The following SUPT3H variants were observed in gnomAD, a reference collection of about 807,000 sequenced individuals.
SUPT3H encodes SPT3 homolog, SAGA and STAGA complex component.
SUPT3H carries 44 observed loss-of-function variants against 44.3 expected under a neutral mutation model. The observed-to-expected ratio is 0.99, with a 90% CI of 0.78 to 1.28. The LOEUF (loss-of-function observed/expected upper bound fraction) is 1.28. SUPT3H is among the 50% of genes most tolerant of loss of function. The probability of loss-of-function intolerance (pLI) is 0.00; values close to 1 mark genes in which losing one functional copy is unlikely to be tolerated. For missense variants in SUPT3H, 380 were observed against 387.1 expected (o/e 0.98, Z 0.15); for synonymous variants, 124 against 125.6 (o/e 0.99, Z 0.09).
intron 2 of SUPT3H, among the ~76,000 whole-genome samples, chr6:45,236,427 T>C (rs1051552155): frequency 6.6e-6 from 1 of 152,102 alleles, no homozygotes; most frequent in African/African-American, 2.4e-5. Flanking sequence ...CTTGGAACCT[T>C]TTCACACTGA....
At chr6:45,310,631 GCCA>G (rs1783791066) in intron 2 of SUPT3H, among the ~76,000 whole-genome samples, 1 of 152,138 alleles carries the variant, frequency 6.6e-6, no homozygotes, top group African/African-American at 2.4e-5. Flanking sequence ...CTCAGCACCA[GCCA>G]GGAGCTGGGT....
chr6:44,839,956 T>A (rs942943887), intron 10 of SUPT3H, among the ~76,000 whole-genome samples: 182 of 152,330 alleles, frequency 1.2e-3, no homozygotes, highest in East Asian at 2.3e-3. Flanking sequence ...CGCCTTGGCC[T>A]CCCAAAGTGC....
chr6:45,080,313 G>A (rs56138724), intron 3 of SUPT3H, among the ~76,000 whole-genome samples: 67,563 of 151,904 alleles, frequency 0.44, 15,090 homozygotes, highest in Admixed American at 0.47. Flanking sequence ...GAATGTGGAG[G>A]AAAGGGAACT....
chr6:44,990,991 G>T (rs1780539375), intron 6 of SUPT3H, among the ~76,000 whole-genome samples: 1 of 151,750 alleles, frequency 6.6e-6, no homozygotes, highest in Non-Finnish European at 1.5e-5. Flanking sequence ...TTTTCCTAAA[G>T]GTGGCCACTT....
chr6:45,021,550 C>T (rs777484545), intron 3 of SUPT3H, among the ~76,000 whole-genome samples: 30 of 151,852 alleles, frequency 2.0e-4, no homozygotes, highest in Non-Finnish European at 3.5e-4. Context: ...TTACGGATTG[C>T]ACCAAACCAA....
intron 2 of SUPT3H, among the ~76,000 whole-genome samples, chr6:45,120,918 A>G (rs1320972924): frequency 6.6e-6 from 1 of 152,202 alleles, no homozygotes; most frequent in African/African-American, 2.4e-5. Flanking sequence ...AATTTGAACA[A>G]TATTAGAACA....
At chr6:44,898,544 C>G (rs943030895) in intron 10 of SUPT3H, among the ~76,000 whole-genome samples, 1 of 152,228 alleles carries the variant, frequency 6.6e-6, no homozygotes, top group African/African-American at 2.4e-5. Context: ...CAAGCTACTC[C>G]CAAATTCCTG....
In SUPT3H at chr6:44,995,048, T is replaced by C. The variant is rs143145522; in HGVS notation, c.504+8605A>G. Among the ~76,000 whole-genome samples, 389 of 152,138 alleles carry C rather than the reference T, an allele frequency of 2.6e-3. 3 individuals are homozygous for C. Among genetic ancestry groups the C allele is most frequent in the African/African-American group, 8.5e-3 (355 of 41,548 alleles). ...TGTATGACACTATGTAGGGTTATAG[T>C]CCCCTACTCTTCAATTATATGATGT... is the stretch of plus-strand genomic sequence containing the variant. On this transcript the variant is annotated intron_variant, in intron 6 of 10. Coordinates refer to ENST00000371459, the MANE Select transcript of SUPT3H (RefSeq NM_003599.4).
chr6:44,906,674 A>C (rs927667787), intron 10 of SUPT3H, among the ~76,000 whole-genome samples: 2 of 152,108 alleles, frequency 1.3e-5, no homozygotes, highest in African/African-American at 4.8e-5. Flanking sequence ...AGGCAGGAGA[A>C]TCGCTTAAAC....
intron 3 of SUPT3H, among the ~76,000 whole-genome samples, chr6:45,025,819 C>A (rs1785897737): frequency 6.7e-6 from 1 of 149,648 alleles, no homozygotes; most frequent in Admixed American, 6.7e-5. Context: ...AGAGGCGGAG[C>A]TTTCAGTGAG....
intron 2 of SUPT3H, among the ~76,000 whole-genome samples, chr6:45,346,522 A>G (rs1790894694): frequency 6.6e-6 from 1 of 151,228 alleles, no homozygotes; most frequent in African/African-American, 2.4e-5. Flanking sequence ...TTTTCACATC[A>G]TCTAGCCAAA....
In SUPT3H at chr6:44,925,739, T is replaced by C. The variant is rs926605629; in HGVS notation, c.912+6914A>G. Among the ~76,000 whole-genome samples the C allele has an allele frequency of 2.6e-5, 4 of 152,184 alleles. 1 individual carries two copies. The highest frequency in any genetic ancestry group is 9.6e-5 in the African/African-American group (4 of 41,452). On this transcript the variant is annotated intron_variant, in intron 10 of 10. Coordinates refer to ENST00000371459, the MANE Select transcript of SUPT3H (RefSeq NM_003599.4). ...AACACTAGACTACCCCTCAGAGTTATTTTCTCTGAGAGAAAACACCAAATG... is the reference window on the plus strand; with the variant it reads ...AACACTAGACTACCCCTCAGAGTTACTTTCTCTGAGAGAAAACACCAAATG...
chr6:44,918,282 T>A (rs1031423531), intron 10 of SUPT3H, among the ~76,000 whole-genome samples: 6 of 152,236 alleles, frequency 3.9e-5, no homozygotes, highest in Non-Finnish European at 8.8e-5. Flanking sequence ...AAAGTTTACA[T>A]ATTTTGTTTC....
intron 2 of SUPT3H, among the ~76,000 whole-genome samples, chr6:45,242,866 T>C (rs1770623189): frequency 6.6e-6 from 1 of 152,016 alleles, no homozygotes; most frequent in Non-Finnish European, 1.5e-5. Context: ...AGAAATGGCA[T>C]AGATAACAAA....
intron 2 of SUPT3H, among the ~76,000 whole-genome samples, chr6:45,314,140 C>A (rs1325750623): frequency 6.6e-6 from 1 of 152,104 alleles, no homozygotes; most frequent in Non-Finnish European, 1.5e-5. Flanking sequence ...AAGGGACATA[C>A]CTTAATGTAA....
chr6:45,158,201 G>GAGATAGCTAGAT (rs1322602466), intron 2 of SUPT3H, among the ~76,000 whole-genome samples: 15 of 121,936 alleles, frequency 1.2e-4, no homozygotes, highest in African/African-American at 4.2e-4. Context: ...AGAAACCATA[G>GAGATAGCTAGAT]AGATAGATAG....
intron 6 of SUPT3H, among the ~76,000 whole-genome samples, chr6:44,986,331 G>A (rs1779789309): frequency 6.6e-6 from 1 of 152,036 alleles, no homozygotes; most frequent in African/African-American, 2.4e-5. Context: ...AAGTGAACAG[G>A]GTAACAGAAA....
intron 2 of SUPT3H, among the ~76,000 whole-genome samples, chr6:45,110,659 T>C (rs567360524): frequency 6.6e-6 from 1 of 152,294 alleles, no homozygotes; most frequent in African/African-American, 2.4e-5. Flanking sequence ...GTTAGTAATC[T>C]ATGCCAAGAT....
intron 2 of SUPT3H, among the ~76,000 whole-genome samples, chr6:45,181,779 G>C (rs1206123141): frequency 1.3e-5 from 2 of 151,516 alleles, no homozygotes; most frequent in South Asian, 2.1e-4. Context: ...TGACGAGTTA[G>C]TGGGTGCAGC....
Sources: allele counts gnomAD v4.1 joint callset (sites outside exome capture counted in the v4.1 genomes callset), GRCh38; gene constraint gnomAD v4.1.1; transcripts MANE v1.5; gene names NCBI Gene and HGNC (gene_info 2026-07-23, HGNC 2026-07-21).